Variants in WNK2 observed in about 807,000 individuals in gnomAD.
WNK2 encodes WNK lysine deficient protein kinase 2, also known as serine/threonine-protein kinase WNK2.
In WNK2, 67 loss-of-function variants were observed where a neutral mutation model predicts 192.1. That is an observed-to-expected ratio of 0.35 (90% CI 0.29 to 0.43). The LOEUF (loss-of-function observed/expected upper bound fraction) is 0.43. Ranked by LOEUF, WNK2 falls within the 20% of genes least tolerant of loss-of-function variation. WNK2 has a pLI of 1.00. For synonymous variants in WNK2, 1,439 were observed against 1,393.9 expected (o/e 1.03, Z -0.72); for missense variants, 2,698 against 3,089.7 (o/e 0.87, Z 3.01).
At chr9:93,320,280 C>T in intron 29 of WNK2, 87 bp from the exon 30 acceptor site, 1 of 1,348,916 alleles carries the variant, frequency 7.4e-7, no homozygotes, top group Non-Finnish European at 9.9e-7. Flanking sequence ...CCGTCGGCAG[C>T]TCCTGGGAGG....
At chr9:93,273,450 G>A (rs867736470) in intron 19 of WNK2, among the ~76,000 whole-genome samples, 5 of 152,202 alleles carry the variant, frequency 3.3e-5, no homozygotes, top group Non-Finnish European at 5.9e-5. Flanking sequence ...CACTGTGCCC[G>A]GCTGACATTA....
In WNK2 at chr9:93,299,176, C is replaced by T. The variant is rs1230015319; in HGVS notation, c.6030C>T (p.Thr2010=). ...GCCTGAGCGGGAAGGCAGTGCAGAC[C>T]CAGCAGCCCTGCTCCGTCCGGGCCT... ...STGLSGKAVQ[T]QQPCSVRASL... Residue 2010 remains threonine (T), a synonymous_variant, in exon 25 of 30, where the codon ACC becomes ACT. Transcript: ENST00000427277. 1.2e-6 allele frequency: 2 copies of T among 1,610,176 alleles called. No homozygotes were observed. The highest frequency in any genetic ancestry group is 1.7e-5 in the Admixed American group (1 of 59,940).
At chr9:93,195,790 A>G (rs1411711695) in intron 2 of WNK2, among the ~76,000 whole-genome samples, 1 of 149,728 alleles carries the variant, frequency 6.7e-6, no homozygotes, top group Non-Finnish European at 1.5e-5. Context: ...TTATTTTTGA[A>G]TAGGACCTTC....
At chr9:93,192,844 C>T (rs1830577392) in intron 2 of WNK2, among the ~76,000 whole-genome samples, 1 of 152,130 alleles carries the variant, frequency 6.6e-6, no homozygotes, top group Non-Finnish European at 1.5e-5. Flanking sequence ...GGCCAGTGGT[C>T]CTGGGCTGGC....
chr9:93,308,807 C>A (rs764890932), intron 28 of WNK2: 27 of 1,402,802 alleles, frequency 1.9e-5, no homozygotes, highest in Non-Finnish European at 2.4e-5. Context: ...AAAGGACAGG[C>A]CAGGCCAGGC....
chr9:93,186,069 C>G (rs745715600), intron 2 of WNK2, among the ~76,000 whole-genome samples: 2 of 152,202 alleles, frequency 1.3e-5, no homozygotes, highest in African/African-American at 4.8e-5. Flanking sequence ...TCTGGGCTGC[C>G]CATAAATTAG....
chr9:93,296,852 TCCTTCACCTTCCTCCCCTCCGCAC>T (rs1850611176), intron 23 of WNK2, among the ~76,000 whole-genome samples: 1 of 94,594 alleles, frequency 1.1e-5, no homozygotes, highest in African/African-American at 5.0e-5. Flanking sequence ...CCTCCATCCT[TCCTTCACCTTCCTCCCCTCCGCAC>T]CCTCCCCTCC....
intron 12 of WNK2, among the ~76,000 whole-genome samples, chr9:93,261,022 T>C (rs1186895502): frequency 6.6e-6 from 1 of 152,106 alleles, no homozygotes; most frequent in Non-Finnish European, 1.5e-5. Flanking sequence ...TCCAGAAGTC[T>C]GTTGATGAGC....
At chr9:93,234,772 C>T in intron 4 of WNK2, 36 bp from the exon 5 acceptor site, 3 of 1,597,482 alleles carry the variant, frequency 1.9e-6, no homozygotes, top group African/African-American at 1.3e-5. Context: ...GGGCCCGTGG[C>T]CAGCTGACAG....
At position 93,247,741 on chromosome 9, in the gene WNK2, G is replaced by T. The variant is rs1358008736; in HGVS notation, c.1741G>T (p.Ala581Ser). ...GGTCCAGGTGACCTACCATGCACAG[G>T]CTGGGCAGCCCGGGCCACCAGAGCC... ...LQVQVTYHAQ[A>S]GQPGPPEPEE... The change falls in exon 8 of 30, where the codon GCT (alanine) becomes TCT (serine). Residue 581 changes from alanine to serine, a missense_variant. Coordinates refer to ENST00000427277, the MANE Select transcript of WNK2 (RefSeq NM_006648.4). This position sits in a 1 kb window ranked among gnomAD's most constrained non-coding sequence, Gnocchi z 5.2. 5 of 1,555,164 alleles carry T rather than the reference G, an allele frequency of 3.2e-6. No homozygotes were observed. The highest frequency in any genetic ancestry group is 2.7e-5 in the African/African-American group (2 of 73,280).
At chr9:93,318,794 G>A in intron 29 of WNK2, 1 of 1,411,242 alleles carries the variant, frequency 7.1e-7, no homozygotes, top group Non-Finnish European at 9.2e-7. Flanking sequence ...GATTTCAGTG[G>A]GACTCGTCCC....
chr9:93,259,007 T>C lies in WNK2; in HGVS notation c.2459T>C (p.Leu820Pro). ...GGCCTCCCTCCGGCCCTCCCAGACC[T>C]GCCGACCGCGACTGTGCCTCCCGTG... ...IDGLPPALPD[L>P]PTATVPPVPP... Residue 820 changes from leucine to proline, a missense_variant, in exon 12 of 30, where the codon CTG (leucine) becomes CCG (proline). Around this residue, in one of 7 missense-constraint regions of WNK2, gnomAD observed 893 missense variants for 909.0 expected, o/e 0.98. Transcript: ENST00000427277. This position sits in a 1 kb window ranked among gnomAD's most constrained non-coding sequence, Gnocchi z 4.8. 6.2e-7 allele frequency: 1 copy of C among 1,612,662 alleles called. No homozygotes were observed. Among genetic ancestry groups the C allele is most frequent in the Non-Finnish European group, 8.5e-7 (1 of 1,179,668 alleles).
chr9:93,283,274 TAAAG>T (rs550414987), intron 19 of WNK2, among the ~76,000 whole-genome samples: 90 of 151,998 alleles, frequency 5.9e-4, no homozygotes, highest in African/African-American at 1.9e-3. Flanking sequence ...GGAACCCAAA[TAAAG>T]AAAGGAGAAA....
Position 93,259,111 on chromosome 9 carries a change from C to T in WNK2, c.2563C>T (p.Pro855Ser). 6.2e-7 allele frequency: 1 copy of T among 1,612,244 alleles called. No homozygotes were observed. The highest frequency in any genetic ancestry group is 8.5e-7 in the Non-Finnish European group (1 of 1,179,312). The change falls in exon 12 of 30, where the codon CCT (proline) becomes TCT (serine). Residue 855 changes from proline to serine, a missense_variant. Pro to Ser is a moderately conservative substitution (Grantham distance 74). Around this residue, in one of 7 missense-constraint regions of WNK2, gnomAD observed 893 missense variants for 909.0 expected, o/e 0.98. Transcript: ENST00000427277. The surrounding 1 kb of genome is among the most constrained non-coding windows in gnomAD (Gnocchi z 4.8). ...APLPPASPALPLQAVKLPHPP... is the reference protein window; with the variant it reads ...APLPPASPALSLQAVKLPHPP... Reference sequence around the variant, plus strand: ...ACTCCCCCCTGCGTCCCCAGCCTTGCCTCTGCAGGCTGTGAAGCTGCCCCA... The same window carrying T: ...ACTCCCCCCTGCGTCCCCAGCCTTGTCTCTGCAGGCTGTGAAGCTGCCCCA...
At chr9:93,222,892 G>T (rs1376443060) in intron 2 of WNK2, among the ~76,000 whole-genome samples, 1 of 152,158 alleles carries the variant, frequency 6.6e-6, no homozygotes, top group Non-Finnish European at 1.5e-5. Context: ...ACATTGGCCA[G>T]GCTGGTCTCA....
chr9:93,295,117 C>T (rs527626380), intron 23 of WNK2, among the ~76,000 whole-genome samples: 8 of 152,268 alleles, frequency 5.3e-5, no homozygotes, highest in Admixed American at 1.3e-4. Flanking sequence ...TCCCAGGCCG[C>T]GGGGCTCTGT....
chr9:93,228,012 TG>T (rs774788226), intron 2 of WNK2, among the ~76,000 whole-genome samples: 1 of 152,252 alleles, frequency 6.6e-6, no homozygotes, highest in Non-Finnish European at 1.5e-5. Context: ...TTTACTTACT[TG>T]TGTCAACTTA....
At chr9:93,319,682 C>T (rs1855262999) in intron 29 of WNK2, among the ~76,000 whole-genome samples, 1 of 152,232 alleles carries the variant, frequency 6.6e-6, no homozygotes, top group East Asian at 1.9e-4. Flanking sequence ...GAAGTGGGAG[C>T]TCCTCAGATG....
chr9:93,226,357 A>G (rs115000419), intron 2 of WNK2, among the ~76,000 whole-genome samples: 2,276 of 152,246 alleles, frequency 0.015, 69 homozygotes, highest in African/African-American at 0.052. Flanking sequence ...CCCTTTTGAC[A>G]TAGTTTGACT....
Sources: allele counts gnomAD v4.1 joint callset (sites outside exome capture counted in the v4.1 genomes callset), GRCh38; gene constraint gnomAD v4.1.1; regional missense constraint gnomAD v4.1.1; non-coding constraint Gnocchi (gnomAD v3.1); transcripts MANE v1.5; gene names NCBI Gene and HGNC (gene_info 2026-07-23, HGNC 2026-07-21).